The following DMP1 variants were observed in gnomAD, a reference collection of about 807,000 sequenced individuals.
DMP1 encodes the protein dentin matrix acidic phosphoprotein 1, also known as dentin matrix protein 1.
Under a neutral mutation model 14.6 loss-of-function variants are expected in DMP1, and 20 were observed. That is an observed-to-expected ratio of 1.37 (90% CI 0.96 to 1.99). The LOEUF (loss-of-function observed/expected upper bound fraction) is 1.99, where lower values mean the gene tolerates loss of function less well. Among genes scored for constraint, DMP1 ranks in the 30% most tolerant of loss-of-function variants. The pLI is 0.00. For missense variants in DMP1, 567 were observed against 620.5 expected (o/e 0.91, Z 0.92); for synonymous variants, 197 against 215.3 (o/e 0.91, Z 0.75).
chr4:87,654,451 CA>C (rs1438625868), intron 1 of DMP1, among the ~76,000 whole-genome samples: 1 of 152,068 alleles, frequency 6.6e-6, no homozygotes, highest in Admixed American at 6.6e-5. Context: ...TAAACTATTG[CA>C]AATCAAAGAA....
intron 1 of DMP1, among the ~76,000 whole-genome samples, chr4:87,655,254 AG>A: frequency 6.6e-6 from 1 of 152,244 alleles, no homozygotes; most frequent in Non-Finnish European, 1.5e-5. Context: ...TTACTAGTGC[AG>A]GGTAAATTGC....
At chr4:87,653,407 A>ATATAGATATATATATATATATATAT (rs1728582317) in intron 1 of DMP1, among the ~76,000 whole-genome samples, 13 of 104,196 alleles carry the variant, frequency 1.2e-4, no homozygotes, top group Non-Finnish European at 2.6e-4. Flanking sequence ...ATATATATAT[A>ATATAGATATATATATATATATATAT]TATATATATA....
chr4:87,656,628 G>T, intron 2 of DMP1, 82 bp downstream of exon 2: 2 of 903,972 alleles, frequency 2.2e-6, no homozygotes, highest in Admixed American at 1.7e-5. Flanking sequence ...AACCAAGATG[G>T]CTGTGTATGT....
chr4:87,659,959 AAAT>A (rs1728812968), intron 5 of DMP1, among the ~76,000 whole-genome samples: 2 of 152,362 alleles, frequency 1.3e-5, no homozygotes, highest in Admixed American at 6.5e-5. Context: ...TTCTCTTCGA[AAAT>A]AGTCCCATCT....
chr4:87,662,280 C>T lies in DMP1; in HGVS notation c.502C>T (p.Leu168Phe), dbSNP rs1267971983. ...AQDTTSESRELDNEDRVDSKP... is the reference protein window; with the variant it reads ...AQDTTSESREFDNEDRVDSKP... The stretch of plus-strand genomic sequence containing the variant: ...AGATACCACCAGTGAGAGCAGGGAA[C>T]TTGACAATGAGGACCGGGTGGACAG... Residue 168 changes from leucine to phenylalanine, a missense_variant, in exon 6 of 6, where the codon CTT (leucine) becomes TTT (phenylalanine). Coordinates refer to ENST00000339673, the MANE Select transcript of DMP1 (RefSeq NM_004407.4). The T allele has an allele frequency of 6.2e-7, 1 of 1,614,010 alleles. No individual in the cohort carries two copies. The highest frequency in any genetic ancestry group is 1.7e-5 in the Admixed American group (1 of 60,004).
chr4:87,663,560 CATG>C lies in DMP1; in HGVS notation c.*243_*245del. The C allele has an allele frequency of 1.7e-6, 1 of 580,268 alleles. No individual in the cohort carries two copies. The highest frequency in any genetic ancestry group is 2.0e-5 in the South Asian group (1 of 49,748). The allele number at this position is 580,268 out of a possible 1,614,324, so 35.9% of individuals were successfully genotyped here. On this transcript the variant is annotated 3_prime_UTR_variant, in exon 6 of 6. Transcript: ENST00000339673. ...GAGGCTAGAAGCAAGAAAGGATCTGCATGATAACTTTGCAGCTGAGATAGTTCC... is the reference window on the plus strand; with the variant it reads ...GAGGCTAGAAGCAAGAAAGGATCTGCATAACTTTGCAGCTGAGATAGTTCC...
intron 1 of DMP1, among the ~76,000 whole-genome samples, chr4:87,654,575 T>G (rs909086184): frequency 6.6e-6 from 1 of 152,138 alleles, no homozygotes; most frequent in African/African-American, 2.4e-5. Context: ...CCATGTTTGT[T>G]TACAAAGAGT....
chr4:87,650,629 G>T (rs926521420), intron 1 of DMP1, among the ~76,000 whole-genome samples: 2 of 152,088 alleles, frequency 1.3e-5, no homozygotes, highest in Non-Finnish European at 2.9e-5. Context: ...TTAGATCTCT[G>T]CATGACACTT....
intron 1 of DMP1, among the ~76,000 whole-genome samples, chr4:87,654,338 C>T (rs1276353074): frequency 2.6e-5 from 4 of 151,894 alleles, no homozygotes; most frequent in African/African-American, 9.7e-5. Flanking sequence ...GAATGAGGGG[C>T]CAGAGATAGG....
chr4:87,653,386 GATATATATATATAT>G (rs57266829), intron 1 of DMP1, among the ~76,000 whole-genome samples: 3,893 of 57,742 alleles, frequency 0.067, 224 homozygotes, highest in African/African-American at 0.11. Flanking sequence ...ATTATCGAGT[GATATATATATATAT>G]ATATATATAT....
At chr4:87,651,544 T>C (rs1010479707) in intron 1 of DMP1, among the ~76,000 whole-genome samples, 3 of 152,140 alleles carry the variant, frequency 2.0e-5, no homozygotes, top group African/African-American at 4.8e-5. Context: ...AGTTGGATTC[T>C]GGTTAATTTT....
rs1728700796 is a variant in DMP1 at position 87,656,541 on chromosome 4, C to G, written c.49C>G (p.Leu17Val). 1 of 1,605,722 alleles carries G rather than the reference C, an allele frequency of 6.2e-7. No individual in the cohort carries two copies. The highest frequency in any genetic ancestry group is 1.3e-5 in the African/African-American group (1 of 74,794). ...LMFLWGLSCA[L>V]PVTRYQNNES... ...GTTCCTTTGGGGATTATCCTGTGCT[C>G]TCCCAGTAAGTATTAGGGTAGGGAT... Residue 17 changes from leucine to valine, a missense_variant, in exon 2 of 6, where the codon CTC becomes GTC. Transcript: ENST00000339673.
In DMP1 at chr4:87,663,777, T is replaced by C. The variant is rs6842411; in HGVS notation, c.*457T>C. On this transcript the variant is annotated 3_prime_UTR_variant, in exon 6 of 6. Coordinates refer to ENST00000339673, the MANE Select transcript of DMP1 (RefSeq NM_004407.4). Reference sequence around the variant, plus strand: ...AAACAAGAATTGTTACAACCCAGTATGGTGAGTGCCAAGACAGAGAGCTAT... The same window carrying C: ...AAACAAGAATTGTTACAACCCAGTACGGTGAGTGCCAAGACAGAGAGCTAT... 0.022 allele frequency: 5,418 copies of C among 241,746 alleles called. 97 individuals are homozygous for C. The highest frequency in any genetic ancestry group is 0.057 in the African/African-American group (2,510 of 44,060). 15.0% of individuals were successfully genotyped at this position (241,746 alleles called of 1,614,324 possible).
rs748306929 is a variant in DMP1, at chr4:87,662,036, G to A, written c.258G>A (p.Arg86=). 6.2e-7 allele frequency: 1 copy of A among 1,614,188 alleles called. No individual in the cohort carries two copies. Among genetic ancestry groups the A allele is most frequent in the Admixed American group, 1.7e-5 (1 of 60,026 alleles). The part of the protein sequence containing the change: ...LGSDDHQYIY[R]LAGGFSRSTG... ...CTGATGATCATCAATACATTTATAG[G>A]CTAGCTGGTGGCTTCTCCAGGAGCA... Residue 86 remains arginine, a synonymous_variant, in exon 6 of 6, where the codon AGG becomes AGA. Transcript: ENST00000339673.
intron 1 of DMP1, among the ~76,000 whole-genome samples, chr4:87,653,974 A>G (rs1046205190): frequency 6.6e-6 from 1 of 152,212 alleles, no homozygotes; most frequent in Non-Finnish European, 1.5e-5. Flanking sequence ...ATGTCCAACA[A>G]AACATGGGCA....
chr4:87,661,520 C>A (rs2110015773), intron 5 of DMP1, among the ~76,000 whole-genome samples: 1 of 151,876 alleles, frequency 6.6e-6, no homozygotes, highest in South Asian at 2.1e-4. Context: ...CCGCGCCCGG[C>A]CTGCTAATTT....
intron 5 of DMP1, among the ~76,000 whole-genome samples, chr4:87,661,536 T>G (rs1441350828): frequency 6.6e-6 from 1 of 151,932 alleles, no homozygotes; most frequent in African/African-American, 2.4e-5. Flanking sequence ...AATTTTTGTA[T>G]TTTTAGTAGA....
intron 1 of DMP1, among the ~76,000 whole-genome samples, chr4:87,654,138 G>T (rs984735598): frequency 1.3e-5 from 2 of 152,114 alleles, no homozygotes; most frequent in Admixed American, 1.3e-4. Flanking sequence ...TGCAATGCGG[G>T]TCTTATGACA....
intron 1 of DMP1, among the ~76,000 whole-genome samples, chr4:87,653,617 C>T (rs1375422278): frequency 1.3e-5 from 2 of 151,304 alleles, no homozygotes; most frequent in Non-Finnish European, 2.9e-5. Flanking sequence ...ATTCTTAGAT[C>T]AAGTGTTAAA....
Sources: allele counts gnomAD v4.1 joint callset (sites outside exome capture counted in the v4.1 genomes callset), GRCh38; gene constraint gnomAD v4.1.1; transcripts MANE v1.5; gene names NCBI Gene and HGNC (gene_info 2026-07-23, HGNC 2026-07-21).